KCNH5: variants seen among roughly 807,000 people sequenced by gnomAD.
The protein encoded by KCNH5 is voltage-gated delayed rectifier potassium channel KCNH5.
In KCNH5, 46 loss-of-function variants were observed where a neutral mutation model predicts 96.1. The observed-to-expected ratio is 0.48, with a 90% CI of 0.38 to 0.61. The LOEUF (loss-of-function observed/expected upper bound fraction) is 0.61, where lower values mean the gene tolerates loss of function less well. KCNH5 is among the 20% of genes least tolerant of loss of function. KCNH5 has a pLI of 0.00. For synonymous variants in KCNH5, 439 were observed against 449.8 expected (o/e 0.98, Z 0.30); for missense variants, 907 against 1,225.8 (o/e 0.74, Z 3.88).
At chr14:62,884,594 C>A (rs1212423088) in intron 7 of KCNH5, among the ~76,000 whole-genome samples, 1 of 152,042 alleles carries the variant, frequency 6.6e-6, no homozygotes, top group Non-Finnish European at 1.5e-5. Flanking sequence ...CCACTGCACT[C>A]CAGCCTGGGC....
chr14:62,872,851 G>A lies in KCNH5; in HGVS notation c.1370-22999C>T, dbSNP rs1595664667. 2.6e-5 allele frequency among the ~76,000 whole-genome samples: 4 copies of A among 152,118 alleles called. 1 individual carries two copies. Among genetic ancestry groups the A allele is most frequent in the Non-Finnish European group, 5.9e-5 (4 of 67,998 alleles). ...TGAGGACCTTGGAGTATGGTGAGAT[G>A]GCAGTGGAAATGACAGAAAAAAGAA... On this transcript the variant is annotated intron_variant, in intron 7 of 10. Coordinates refer to ENST00000322893, the MANE Select transcript of KCNH5 (RefSeq NM_139318.5).
intron 10 of KCNH5, chr14:62,712,352 T>C (rs11158448): frequency 0.53 from 191,380 of 364,030 alleles, 52,616 homozygotes; most frequent in East Asian, 0.86. Flanking sequence ...AGTGGTCACT[T>C]CCACACACGT....
chr14:62,831,766 T>C (rs1463256232), intron 8 of KCNH5, among the ~76,000 whole-genome samples: 1 of 152,212 alleles, frequency 6.6e-6, no homozygotes, highest in African/African-American at 2.4e-5. Flanking sequence ...TGAAGTACAG[T>C]GGCATAATCA....
chr14:62,759,480 T>A lies in KCNH5; in HGVS notation c.2019+20248A>T, dbSNP rs184901538. ...GCTTACAGAAGGATATTGGCACATTTGTTTTATAACATTTGCTCAAAAGCT... is the reference window on the plus strand; with the variant it reads ...GCTTACAGAAGGATATTGGCACATTAGTTTTATAACATTTGCTCAAAAGCT... On this transcript the variant is annotated intron_variant, in intron 10 of 10. Coordinates refer to ENST00000322893, the MANE Select transcript of KCNH5 (RefSeq NM_139318.5). Among the ~76,000 whole-genome samples, 3 of 151,790 alleles carry A rather than the reference T, an allele frequency of 2.0e-5. No homozygotes were observed. The East Asian group carries it at 5.8e-4, about 29-fold the overall frequency.
chr14:62,807,734 A>T (rs1397889760), intron 8 of KCNH5, among the ~76,000 whole-genome samples: 1 of 152,044 alleles, frequency 6.6e-6, no homozygotes, highest in Non-Finnish European at 1.5e-5. Flanking sequence ...TTCTTGTCCT[A>T]AAGTAAAATG....
At chr14:62,813,953 T>A (rs1886922633) in intron 8 of KCNH5, among the ~76,000 whole-genome samples, 1 of 152,170 alleles carries the variant, frequency 6.6e-6, no homozygotes, top group African/African-American at 2.4e-5. Flanking sequence ...TCTCTGGATG[T>A]CACTCTGACA....
chr14:62,946,738 A>G (rs937078251), intron 7 of KCNH5, among the ~76,000 whole-genome samples: 2 of 151,886 alleles, frequency 1.3e-5, no homozygotes, highest in African/African-American at 4.8e-5. Context: ...CTACTCAGCA[A>G]TAAAAAAGAA....
chr14:62,929,218 G>C (rs1003165898), intron 7 of KCNH5, among the ~76,000 whole-genome samples: 1 of 151,896 alleles, frequency 6.6e-6, no homozygotes, highest in African/African-American at 2.4e-5. Context: ...CCCGCATCTA[G>C]TCTGTCAGCA....
rs552089189 is a variant in KCNH5, at chr14:63,039,924, A to G, written c.73+5190T>C. On this transcript the variant is annotated intron_variant, in intron 1 of 10. Coordinates refer to ENST00000322893, the MANE Select transcript of KCNH5 (RefSeq NM_139318.5). ...GGAAGGGGGAGGTGGGAGAACAGAA[A>G]AAGAGAAAAATATTAACTACTTGGT... Among the ~76,000 whole-genome samples, 40 of 152,188 alleles carry G rather than the reference A, an allele frequency of 2.6e-4. 1 individual carries two copies. The South Asian group carries it at 4.2e-3, about 16-fold the overall frequency.
At chr14:62,828,721 C>G (rs921658164) in intron 8 of KCNH5, among the ~76,000 whole-genome samples, 3 of 152,246 alleles carry the variant, frequency 2.0e-5, no homozygotes, top group Admixed American at 6.5e-5. Flanking sequence ...GGTGGGGACA[C>G]AGACCCAAAG....
rs112114541 is a variant in KCNH5, at chr14:63,002,115, G to A, written c.305-656C>T. ...TAAGGCAGCCTGAAGAAAAATAGAC[G>A]TGTCCCCAGCTTTTGAGATCCCCAG... On this transcript the variant is annotated intron_variant, in intron 3 of 10. Coordinates refer to ENST00000322893, the MANE Select transcript of KCNH5 (RefSeq NM_139318.5). Among the ~76,000 whole-genome samples the A allele has an allele frequency of 5.5e-4, 84 of 152,160 alleles. 5 individuals carry two copies. The South Asian group carries it at 5.8e-3, about 11-fold the overall frequency.
intron 8 of KCNH5, among the ~76,000 whole-genome samples, chr14:62,813,027 C>A (rs1256453302): frequency 1.3e-5 from 2 of 152,074 alleles, no homozygotes; most frequent in Non-Finnish European, 2.9e-5. Context: ...AATCAAGTTA[C>A]AACAAATAAC....
chr14:62,727,050 G>A (rs1419002244), intron 10 of KCNH5, among the ~76,000 whole-genome samples: 1 of 152,022 alleles, frequency 6.6e-6, no homozygotes, highest in Non-Finnish European at 1.5e-5. Flanking sequence ...TAAAAAAGAG[G>A]CAAAATGGAT....
intron 8 of KCNH5, among the ~76,000 whole-genome samples, chr14:62,806,100 T>C (rs1886760915): frequency 6.6e-6 from 1 of 152,142 alleles, no homozygotes; most frequent in African/African-American, 2.4e-5. Flanking sequence ...TGACCTCTGA[T>C]TGTCCTCACT....
chr14:62,795,028 C>T (rs922504301), intron 9 of KCNH5, among the ~76,000 whole-genome samples: 5 of 152,112 alleles, frequency 3.3e-5, no homozygotes, highest in African/African-American at 1.2e-4. Flanking sequence ...TATCAGAGAG[C>T]CGTGTGTGGT....
rs927078437 is a variant in KCNH5, at chr14:62,851,875, G to A, written c.1370-2023C>T. On this transcript the variant is annotated intron_variant, in intron 7 of 10. Transcript: ENST00000322893. ...ACTGCCTTCTAGTTTAACAAATTACGACACATTTCATCTTTTAGGGTACAT... is the reference window on the plus strand; with the variant it reads ...ACTGCCTTCTAGTTTAACAAATTACAACACATTTCATCTTTTAGGGTACAT... 3.9e-5 allele frequency among the ~76,000 whole-genome samples: 6 copies of A among 152,010 alleles called. No individual in the cohort carries two copies. The South Asian group carries it at 6.2e-4, about 16-fold the overall frequency.
At chr14:62,826,485 T>C (rs1043289144) in intron 8 of KCNH5, among the ~76,000 whole-genome samples, 1 of 151,296 alleles carries the variant, frequency 6.6e-6, no homozygotes, top group Admixed American at 6.6e-5. Flanking sequence ...AATCTAAAAA[T>C]ATTTTTCTTC....
intron 7 of KCNH5, among the ~76,000 whole-genome samples, chr14:62,853,372 A>C (rs1257871846): frequency 6.7e-6 from 1 of 149,356 alleles, no homozygotes; most frequent in Non-Finnish European, 1.5e-5. Context: ...AAAGTATAAA[A>C]AAAGAGTCTA....
At chr14:63,028,271 C>T (rs1027724937) in intron 1 of KCNH5, among the ~76,000 whole-genome samples, 4 of 152,094 alleles carry the variant, frequency 2.6e-5, no homozygotes, top group Admixed American at 2.6e-4. Context: ...CAGACTCCAG[C>T]TCAGCAGGGT....
Sources: gnomAD v4.1 joint callset for allele counts (sites outside exome capture counted in the v4.1 genomes callset) on GRCh38, gnomAD v4.1.1 for gene constraint, MANE v1.5 for transcripts, NCBI Gene and HGNC (gene_info 2026-07-23, HGNC 2026-07-21) for gene names.